RINT1: variants seen among roughly 807,000 people sequenced by gnomAD.
RINT1 encodes the protein RAD50 interactor 1, also known as RAD50-interacting protein 1.
RINT1 carries 75 observed loss-of-function variants against 97.7 expected under a neutral mutation model. That is an observed-to-expected ratio of 0.77 (90% CI 0.64 to 0.93). The LOEUF (loss-of-function observed/expected upper bound fraction) is 0.93, where lower values mean the gene tolerates loss of function less well. Ranked by LOEUF, RINT1 falls within the 40% of genes least tolerant of loss-of-function variation. The pLI, the probability that RINT1 is intolerant of heterozygous loss-of-function variation, is 0.00. For missense variants in RINT1, 892 were observed against 925.2 expected (o/e 0.96, Z 0.47); for synonymous variants, 303 against 326.3 (o/e 0.93, Z 0.77).
chr7:105,550,241 AT>A lies in RINT1; in HGVS notation c.1108-19del. The A allele has an allele frequency of 6.2e-7, 1 of 1,610,930 alleles. No homozygotes were observed. The highest frequency in any genetic ancestry group is 8.5e-7 in the Non-Finnish European group (1 of 1,177,452). On this transcript the variant is annotated intron_variant, in intron 8 of 14. Coordinates refer to ENST00000257700, the MANE Select transcript of RINT1 (RefSeq NM_021930.6). ...GGATAACTTTTTATTTACATACCTC[AT>A]GTTTGTGTATTTTTTTAGCTTGAAT...
At chr7:105,556,167 A>G (rs1766557031) in intron 11 of RINT1, among the ~76,000 whole-genome samples, 2 of 151,744 alleles carry the variant, frequency 1.3e-5, no homozygotes, top group Non-Finnish European at 2.9e-5. Context: ...CCTGGGTTCA[A>G]GGGATTATCC....
chr7:105,546,716 A>G (rs1171591203), intron 4 of RINT1, among the ~76,000 whole-genome samples, 194 bp from the exon 5 acceptor site: 1 of 152,112 alleles, frequency 6.6e-6, no homozygotes, highest in African/African-American at 2.4e-5. Flanking sequence ...TCTACTAAAA[A>G]TACAAAAAAT....
chr7:105,565,700 G>A (rs766704513), intron 14 of RINT1, 52 bp downstream of exon 14: 3 of 1,225,346 alleles, frequency 2.4e-6, no homozygotes, highest in Non-Finnish European at 3.5e-6. Context: ...GTTACAGGAG[G>A]CTAACTCCTT....
rs1369298820 is a variant in RINT1 at position 105,563,925 on chromosome 7, G to T, written c.1864G>T (p.Ala622Ser). 6.2e-7 allele frequency: 1 copy of T among 1,613,792 alleles called. No individual in the cohort carries two copies. Among genetic ancestry groups the T allele is most frequent in the East Asian group, 2.2e-5 (1 of 44,872 alleles). Residue 622 changes from alanine to serine, a missense_variant, in exon 12 of 15, where the codon GCA (alanine) becomes TCA (serine). By Grantham distance (99) the Ala-to-Ser change is moderately conservative. Transcript: ENST00000257700. ...DHVFREVKDA[A>S]KLYKKERWLS... ...CGTTTTTAGAGAAGTTAAAGATGCT[G>T]CAAAATTGTATAAAAAAGAAAGGTA...
Position 105,565,638 on chromosome 7 carries a change from T to C in RINT1, c.2176T>C (p.Tyr726His), listed in dbSNP as rs144371182. 9.4e-5 allele frequency: 149 copies of C among 1,588,712 alleles called. No homozygotes were observed. In the African/African-American group the frequency reaches 1.9e-3, roughly 20 times the overall value. Residue 726 changes from tyrosine to histidine, a missense_variant, in exon 14 of 15, where the codon TAT becomes CAT. Transcript: ENST00000257700. ...TCACTATTGCAAGAGACCAGAAAATTATTTTAAACAGTAAGCTCAACATTT... is the reference window on the plus strand; with the variant it reads ...TCACTATTGCAAGAGACCAGAAAATCATTTTAAACAGTAAGCTCAACATTT... ...FSHYCKRPEN[Y>H]FKHIKEACIV...
Position 105,553,887 on chromosome 7 carries a change from ATTTTTTTTTTTTT to A in RINT1, c.1472-1124_1472-1112del, listed in dbSNP as rs776924728. Among the ~76,000 whole-genome samples the A allele has an allele frequency of 1.2e-3, 86 of 71,154 alleles. No homozygotes were observed. In the South Asian group the frequency reaches 0.026, roughly 21 times the overall value. The allele number at this position is 71,154 out of a possible 152,430, so 46.7% of individuals were successfully genotyped here. A position where few individuals can be genotyped will look rare whatever the true frequency, so the allele number is the denominator to read the frequency against. ...AGGCACCCGTCACCATACCCAGCTAATTTTTTTTTTTTTTTTTTTTTTTTTTTTTGAGATGGAG... is the reference window on the plus strand; with the variant it reads ...AGGCACCCGTCACCATACCCAGCTAATTTTTTTTTTTTTTTTGAGATGGAG... On this transcript the variant is annotated intron_variant, in intron 10 of 14. Transcript: ENST00000257700.
chr7:105,564,863 G>A (rs1218682076), intron 12 of RINT1, among the ~76,000 whole-genome samples: 2 of 152,002 alleles, frequency 1.3e-5, no homozygotes, highest in African/African-American at 4.8e-5. Context: ...TTAGCTGGGC[G>A]TGGTGGTGGG....
chr7:105,541,414 G>A (rs1011473595), intron 3 of RINT1, among the ~76,000 whole-genome samples: 7 of 151,942 alleles, frequency 4.6e-5, no homozygotes, highest in African/African-American at 4.8e-5. Context: ...TGGGATTACA[G>A]GTGTGAGCCA....
In RINT1 at chr7:105,551,678, CTT is replaced by C; in HGVS notation, c.1445_1446del (p.Phe482TyrfsTer9). On this transcript the variant is annotated frameshift_variant, in exon 10 of 15. Transcript: ENST00000257700. LOFTEE classifies it high-confidence loss of function. ...ATGAAAGTTCCAGATTGTGCAGAAA[CTT>C]TTATGACTCTACTCTTGGTTATAAC... 1.2e-6 allele frequency: 2 copies of C among 1,610,532 alleles called. No individual in the cohort carries two copies. Among genetic ancestry groups the C allele is most frequent in the South Asian group, 2.2e-5 (2 of 90,254 alleles).
In RINT1 at chr7:105,565,666, C is replaced by T; in HGVS notation, c.2186+18C>T. 2.1e-6 allele frequency: 3 copies of T among 1,458,204 alleles called. No homozygotes were observed. Among genetic ancestry groups the T allele is most frequent in the South Asian group, 1.1e-5 (1 of 87,168 alleles). 90.3% of individuals were successfully genotyped at this position (1,458,204 alleles called of 1,614,324 possible). On this transcript the variant is annotated intron_variant, in intron 14 of 14. Coordinates refer to ENST00000257700, the MANE Select transcript of RINT1 (RefSeq NM_021930.6). ...TTTAAACAGTAAGCTCAACATTTAA[C>T]AATTAATATTAATGTATCAAATTGT... is the stretch of plus-strand genomic sequence containing the variant.
chr7:105,546,083 C>T (rs1790657572), intron 4 of RINT1, among the ~76,000 whole-genome samples: 1 of 152,202 alleles, frequency 6.6e-6, no homozygotes. Flanking sequence ...CCCATGTTGG[C>T]CTCCCAAAGT....
rs1791559269 is a variant in RINT1 at position 105,563,816 on chromosome 7, C to A, written c.1755C>A (p.Ala585=). The change falls in exon 12 of 15, where the codon GCC becomes GCA. Residue 585 remains alanine, a synonymous_variant. Coordinates refer to ENST00000257700, the MANE Select transcript of RINT1 (RefSeq NM_021930.6). ...GTAAATTGCAGCTAGGACAGCTAGC[C>A]TCTATGGAGAGCTCTGTCTTTGATG... ...TLSKLQLGQL[A]SMESSVFDDM... 1 of 1,613,808 alleles carries A rather than the reference C, an allele frequency of 6.2e-7. No homozygotes were observed. Among genetic ancestry groups the A allele is most frequent in the East Asian group, 2.2e-5 (1 of 44,890 alleles).
rs974799105 is a variant in RINT1, at chr7:105,565,161, AT to A, written c.1887-110del. ...TAGAGCTTTTAATGTTAGGCTGTATATTTTTTCTTATCCAAAATGCCCTAGG... is the reference window on the plus strand; with the variant it reads ...TAGAGCTTTTAATGTTAGGCTGTATATTTTTCTTATCCAAAATGCCCTAGG... On this transcript the variant is annotated intron_variant, in intron 12 of 14. Coordinates refer to ENST00000257700, the MANE Select transcript of RINT1 (RefSeq NM_021930.6). 3 of 763,310 alleles carry A rather than the reference AT, an allele frequency of 3.9e-6. No individual in the cohort carries two copies. The African/African-American group carries it at 5.2e-5, about 13-fold the overall frequency. The allele number at this position is 763,310 out of a possible 1,614,324, so 47.3% of individuals were successfully genotyped here. A position where few individuals can be genotyped will look rare whatever the true frequency, so the allele number is the denominator to read the frequency against.
At chr7:105,562,554 G>T (rs536553008) in intron 11 of RINT1, among the ~76,000 whole-genome samples, 1 of 152,260 alleles carries the variant, frequency 6.6e-6, no homozygotes, top group East Asian at 1.9e-4. Flanking sequence ...ATAAGATCCA[G>T]CAATTCCACT....
At chr7:105,553,905 T>A (rs1265136867) in intron 10 of RINT1, among the ~76,000 whole-genome samples, 1 of 125,402 alleles carries the variant, frequency 8.0e-6, no homozygotes, top group Admixed American at 7.8e-5. Context: ...TTTTTTTTTT[T>A]TTTTTTTTTT....
Position 105,565,621 on chromosome 7 carries a change from G to C in RINT1, c.2159G>C (p.Cys720Ser). ...RNLFPLFSHY[C>S]KRPENYFKHI... ...CTTTTCCCTTTGTTTTCTCACTATT[G>C]CAAGAGACCAGAAAATTATTTTAAA... is the stretch of plus-strand genomic sequence containing the variant. Residue 720 changes from cysteine to serine, a missense_variant, in exon 14 of 15, where the codon TGC (cysteine) becomes TCC (serine). Coordinates refer to ENST00000257700, the MANE Select transcript of RINT1 (RefSeq NM_021930.6). The C allele has an allele frequency of 1.2e-6, 2 of 1,610,682 alleles. No individual in the cohort carries two copies. Among genetic ancestry groups the C allele is most frequent in the Non-Finnish European group, 1.7e-6 (2 of 1,177,460 alleles).
intron 4 of RINT1, 88 bp downstream of exon 4, chr7:105,542,737 G>A: frequency 8.0e-7 from 1 of 1,257,248 alleles, no homozygotes; most frequent in Non-Finnish European, 1.1e-6. Context: ...AAATAATTGA[G>A]TTAATTAAAG....
intron 4 of RINT1, among the ~76,000 whole-genome samples, chr7:105,543,108 T>C (rs1179459967): frequency 6.6e-6 from 1 of 151,994 alleles, no homozygotes; most frequent in African/African-American, 2.4e-5. Context: ...GCCAGGATGG[T>C]CTCGATCTCT....
intron 2 of RINT1, chr7:105,535,543 TTTTG>T (rs148400331): frequency 0.024 from 10,679 of 452,850 alleles, 929 homozygotes; most frequent in African/African-American, 0.19. Flanking sequence ...TTTTTTACTT[TTTTG>T]TTTGTTTGTT....
Sources: allele counts gnomAD v4.1 joint callset (sites outside exome capture counted in the v4.1 genomes callset), GRCh38; gene constraint gnomAD v4.1.1; transcripts MANE v1.5; gene names NCBI Gene and HGNC (gene_info 2026-07-23, HGNC 2026-07-21).